MAGI1: variants seen among roughly 807,000 people sequenced by gnomAD.
MAGI1 encodes the protein membrane-associated guanylate kinase, WW and PDZ domain-containing protein 1.
MAGI1 carries 58 observed loss-of-function variants against 139.9 expected under a neutral mutation model. The observed-to-expected ratio is 0.41, with a 90% CI of 0.34 to 0.52. The LOEUF is 0.52. MAGI1 is among the 20% of genes least tolerant of loss of function. MAGI1 has a pLI of 0.12. For synonymous variants in MAGI1, 812 were observed against 737.9 expected (o/e 1.10, Z -1.63); for missense variants, 1,874 against 1,901.6 (o/e 0.99, Z 0.27).
chr3:65,656,232 T>C (rs1175854334), intron 1 of MAGI1, among the ~76,000 whole-genome samples: 1 of 152,208 alleles, frequency 6.6e-6, no homozygotes, highest in Non-Finnish European at 1.5e-5. Context: ...TTGTTCTCCT[T>C]AGTCAGAAGT....
At chr3:65,680,801 T>A (rs2087543703) in intron 1 of MAGI1, among the ~76,000 whole-genome samples, 1 of 85,684 alleles carries the variant, frequency 1.2e-5, no homozygotes, top group Non-Finnish European at 2.4e-5. Flanking sequence ...ATGATATACT[T>A]TAATAATTAT....
chr3:65,991,325 A>G (rs1340000744), intron 1 of MAGI1, among the ~76,000 whole-genome samples: 1 of 148,720 alleles, frequency 6.7e-6, no homozygotes, highest in Non-Finnish European at 1.5e-5. Flanking sequence ...AAAAAAAAAG[A>G]AAGTTAATGA....
At chr3:66,031,744 G>A (rs931194616) in intron 1 of MAGI1, among the ~76,000 whole-genome samples, 1 of 151,612 alleles carries the variant, frequency 6.6e-6, no homozygotes, top group African/African-American at 2.4e-5. Flanking sequence ...GGCTAAAATT[G>A]GATTGTGTTC....
In MAGI1 at chr3:65,629,961, G is replaced by GA. The variant is rs59250649; in HGVS notation, c.314-7874dup. On this transcript the variant is annotated intron_variant, in intron 1 of 22. Coordinates refer to ENST00000402939, the MANE Select transcript of MAGI1 (RefSeq NM_001033057.2). ...TATGTTATATATATTTAACCACAAT[G>GA]AAAAAGCAATATGAATTAATCACAA... 4.1e-3 allele frequency among the ~76,000 whole-genome samples: 627 copies of GA among 152,180 alleles called. 5 individuals are homozygous for GA. Among genetic ancestry groups the GA allele is most frequent in the Non-Finnish European group, 4.2e-3 (285 of 68,004 alleles).
chr3:65,632,949 C>T (rs1476350073), intron 1 of MAGI1, among the ~76,000 whole-genome samples: 1 of 152,078 alleles, frequency 6.6e-6, no homozygotes, highest in Non-Finnish European at 1.5e-5. Context: ...AGTATGGTCC[C>T]ATGAGACTGG....
intron 1 of MAGI1, among the ~76,000 whole-genome samples, chr3:65,706,957 A>T (rs2030414210): frequency 6.6e-6 from 1 of 152,206 alleles, no homozygotes. Flanking sequence ...ATAAACAAAA[A>T]ATGTCCATAC....
In MAGI1 at chr3:65,403,838, C is replaced by T. The variant is rs896011823; in HGVS notation, c.2168-2368G>A. On this transcript the variant is annotated intron_variant, in intron 12 of 22. Coordinates refer to ENST00000402939, the MANE Select transcript of MAGI1 (RefSeq NM_001033057.2). ...CAATGCACATTCAAAGGTGCATTCA[C>T]AACGATGTTCAGTGCAATATTGTTG... Among the ~76,000 whole-genome samples, 11 of 152,180 alleles carry T rather than the reference C, an allele frequency of 7.2e-5. 1 individual carries two copies. The highest frequency in any genetic ancestry group is 7.2e-4 in the Admixed American group (11 of 15,284).
chr3:65,631,346 T>C (rs2084291869), intron 1 of MAGI1, among the ~76,000 whole-genome samples: 1 of 152,220 alleles, frequency 6.6e-6, no homozygotes, highest in African/African-American at 2.4e-5. Flanking sequence ...GCCACATATA[T>C]GGATTTATAT....
At chr3:65,603,919 G>T (rs2106863358) in intron 2 of MAGI1, among the ~76,000 whole-genome samples, 1 of 152,226 alleles carries the variant, frequency 6.6e-6, no homozygotes, top group Admixed American at 6.5e-5. Context: ...CTGTTTAAAA[G>T]GATCCTATTC....
At position 65,354,186 on chromosome 3, in the gene MAGI1, T is replaced by C. The variant is rs1382086410; in HGVS notation, c.*2192A>G. The C allele has an allele frequency of 6.6e-6, 1 of 152,454 alleles. No individual in the cohort carries two copies. Among genetic ancestry groups the C allele is most frequent in the Non-Finnish European group, 1.5e-5 (1 of 68,028 alleles). The allele number at this position is 152,454 out of a possible 1,614,324, so 9.4% of individuals were successfully genotyped here. On this transcript the variant is annotated 3_prime_UTR_variant, in exon 23 of 23. Coordinates refer to ENST00000402939, the MANE Select transcript of MAGI1 (RefSeq NM_001033057.2). ...TCCAAGTCAGCTCTTAGGAACTTGA[T>C]GAAAAAGAACATCATTATTCAGTTG...
chr3:65,696,175 C>T (rs997468193), intron 1 of MAGI1, among the ~76,000 whole-genome samples: 1 of 152,114 alleles, frequency 6.6e-6, no homozygotes, highest in African/African-American at 2.4e-5. Context: ...CAGAAACATC[C>T]CCCTTCCCTA....
At chr3:65,975,244 A>G (rs1428247697) in intron 1 of MAGI1, among the ~76,000 whole-genome samples, 1 of 152,160 alleles carries the variant, frequency 6.6e-6, no homozygotes, top group Non-Finnish European at 1.5e-5. Context: ...CTCAGCAAAC[A>G]CATCAGTGCC....
chr3:65,910,757 G>A (rs1194101970), intron 1 of MAGI1, among the ~76,000 whole-genome samples: 1 of 150,458 alleles, frequency 6.6e-6, no homozygotes, highest in Non-Finnish European at 1.5e-5. Flanking sequence ...TTTACTTCTC[G>A]ACATGAAGGT....
chr3:65,884,786 C>T (rs570416704), intron 1 of MAGI1, among the ~76,000 whole-genome samples: 2 of 152,156 alleles, frequency 1.3e-5, no homozygotes, highest in South Asian at 4.2e-4. Context: ...TGCTGTTCAA[C>T]GTTAGTTCCC....
chr3:65,856,322 CTA>C (rs1053038256), intron 1 of MAGI1, among the ~76,000 whole-genome samples: 2 of 146,694 alleles, frequency 1.4e-5, no homozygotes, highest in African/African-American at 2.5e-5. Flanking sequence ...ATAACTTTCT[CTA>C]TACCAATCAA....
intron 5 of MAGI1, among the ~76,000 whole-genome samples, chr3:65,456,351 A>C (rs541235376): frequency 6.6e-6 from 1 of 151,428 alleles, no homozygotes; most frequent in East Asian, 1.9e-4. Flanking sequence ...CCCTCTCTTT[A>C]GTTCACATTC....
chr3:66,028,730 A>T (rs1015961257), intron 1 of MAGI1, among the ~76,000 whole-genome samples: 4 of 152,078 alleles, frequency 2.6e-5, no homozygotes, highest in Admixed American at 2.6e-4. Context: ...TGTGGGAGAA[A>T]CTCGGGCAAC....
At chr3:65,486,116 C>T (rs1308398446) in intron 3 of MAGI1, among the ~76,000 whole-genome samples, 4 of 152,150 alleles carry the variant, frequency 2.6e-5, no homozygotes, top group Non-Finnish European at 5.9e-5. Context: ...TCTCTTCACC[C>T]CTATTTTATC....
chr3:65,379,292 C>T lies in MAGI1; in HGVS notation c.2964G>A (p.Ser988=), dbSNP rs1278698056. 3 of 1,612,922 alleles carry T rather than the reference C, an allele frequency of 1.9e-6. No homozygotes were observed. Among genetic ancestry groups the T allele is most frequent in the Admixed American group, 3.3e-5 (2 of 59,932 alleles). ...TCGTGCCTGCTTCGGGCCTGCTCAC[C>T]GAGGACACGATGACGAAGCCGAAGC... The part of the protein sequence containing the change: ...NEGFGFVIVS[S]VSRPEAGTTF... Residue 988 remains serine (S), a synonymous_variant, in exon 17 of 23, where the codon TCG becomes TCA. Transcript: ENST00000402939.
Sources: gnomAD v4.1 joint callset for allele counts (sites outside exome capture counted in the v4.1 genomes callset) on GRCh38, gnomAD v4.1.1 for gene constraint, MANE v1.5 for transcripts, NCBI Gene and HGNC (gene_info 2026-07-23, HGNC 2026-07-21) for gene names.